CTNNBL1: variants seen among roughly 807,000 people sequenced by gnomAD.
CTNNBL1 encodes catenin beta like 1.
Under a neutral mutation model 72.7 loss-of-function variants are expected in CTNNBL1, and 31 were observed. The observed-to-expected ratio is 0.43, with a 90% CI of 0.32 to 0.58. The LOEUF is 0.58. Among genes scored for constraint, CTNNBL1 ranks in the 20% least tolerant of loss-of-function variants. The pLI, the probability that CTNNBL1 is intolerant of heterozygous loss-of-function variation, is 0.08. For missense variants in CTNNBL1, 534 were observed against 725.1 expected (o/e 0.74, Z 3.03); for synonymous variants, 240 against 267.3 (o/e 0.90, Z 1.00).
intron 10 of CTNNBL1, among the ~76,000 whole-genome samples, chr20:37,779,690 C>G (rs1208374137): frequency 1.3e-5 from 2 of 152,048 alleles, no homozygotes; most frequent in Non-Finnish European, 2.9e-5. Flanking sequence ...CTGTATATAT[C>G]ACATAGACCT....
At chr20:37,870,444 C>T (rs2072574351) in intron 15 of CTNNBL1, among the ~76,000 whole-genome samples, 1 of 152,094 alleles carries the variant, frequency 6.6e-6, no homozygotes. Context: ...GGATTCTGGG[C>T]TCACTGTCAG....
intron 11 of CTNNBL1, among the ~76,000 whole-genome samples, chr20:37,813,582 C>G (rs2072030237): frequency 6.6e-6 from 1 of 152,094 alleles, no homozygotes; most frequent in African/African-American, 2.4e-5. Context: ...TTTCATTTTG[C>G]CAGGTAGAAA....
chr20:37,792,444 G>T (rs2073733198), intron 10 of CTNNBL1, among the ~76,000 whole-genome samples: 1 of 152,122 alleles, frequency 6.6e-6, no homozygotes, highest in South Asian at 2.1e-4. Context: ...AAGTAGCTGG[G>T]ACTGTAGGAA....
At chr20:37,707,861 G>A (rs2072901618) in intron 1 of CTNNBL1, among the ~76,000 whole-genome samples, 1 of 152,068 alleles carries the variant, frequency 6.6e-6, no homozygotes, top group Non-Finnish European at 1.5e-5. Flanking sequence ...GAACACTTAG[G>A]GCCATTGTAG....
At chr20:37,697,021 A>C (rs1378312399) in intron 1 of CTNNBL1, among the ~76,000 whole-genome samples, 1 of 151,642 alleles carries the variant, frequency 6.6e-6, no homozygotes, top group Non-Finnish European at 1.5e-5. Context: ...GTCTCTACTA[A>C]AAATATAAAA....
In CTNNBL1 at chr20:37,701,563, A is replaced by G. The variant is rs552053625; in HGVS notation, c.30+7411A>G. The stretch of plus-strand genomic sequence containing the variant: ...ATGGAAAGGGGATATATCGATGGGG[A>G]TGGATTTGGTTTGGTCATTGAAGAA... On this transcript the variant is annotated intron_variant, in intron 1 of 15. Coordinates refer to ENST00000361383, the MANE Select transcript of CTNNBL1 (RefSeq NM_030877.5). 9.9e-5 allele frequency among the ~76,000 whole-genome samples: 15 copies of G among 152,242 alleles called. No homozygotes were observed. The East Asian group carries it at 2.9e-3, about 29-fold the overall frequency.
intron 1 of CTNNBL1, among the ~76,000 whole-genome samples, chr20:37,705,489 A>T (rs1488383705): frequency 6.6e-6 from 1 of 152,160 alleles, no homozygotes; most frequent in Non-Finnish European, 1.5e-5. Flanking sequence ...TAATTCTACA[A>T]AATTGCCTCA....
chr20:37,799,285 C>T (rs1038236981), intron 10 of CTNNBL1, among the ~76,000 whole-genome samples: 34 of 152,122 alleles, frequency 2.2e-4, no homozygotes, highest in African/African-American at 8.0e-4. Context: ...CATGCCTTCT[C>T]GACATCTACA....
At chr20:37,719,815 G>T (rs550367817) in intron 1 of CTNNBL1, among the ~76,000 whole-genome samples, 21 of 150,302 alleles carry the variant, frequency 1.4e-4, no homozygotes, top group African/African-American at 5.1e-4. Context: ...TATACAACTT[G>T]TTTTTCTTTT....
chr20:37,716,706 A>T (rs2072989335), intron 1 of CTNNBL1, among the ~76,000 whole-genome samples: 1 of 152,174 alleles, frequency 6.6e-6, no homozygotes, highest in Admixed American at 6.5e-5. Context: ...ATTCAAGCTG[A>T]GAGGGATAGG....
At chr20:37,806,551 T>G (rs1408367164) in intron 11 of CTNNBL1, among the ~76,000 whole-genome samples, 1 of 152,140 alleles carries the variant, frequency 6.6e-6, no homozygotes, top group African/African-American at 2.4e-5. Flanking sequence ...TTCAGCAGGT[T>G]TTGGGGGAAA....
intron 2 of CTNNBL1, 68 bp downstream of exon 2, chr20:37,733,135 C>A: frequency 1.5e-6 from 2 of 1,364,976 alleles, no homozygotes; most frequent in South Asian, 2.5e-5. Context: ...GGGCCAAATA[C>A]TAAGCTTGTC....
chr20:37,804,646 G>A (rs1171633104), intron 11 of CTNNBL1, among the ~76,000 whole-genome samples: 1 of 152,224 alleles, frequency 6.6e-6, no homozygotes, highest in Non-Finnish European at 1.5e-5. Flanking sequence ...CCTCAGGGTG[G>A]ATGCTGTGGC....
chr20:37,743,622 A>G (rs774057843), intron 3 of CTNNBL1, among the ~76,000 whole-genome samples: 2 of 152,218 alleles, frequency 1.3e-5, no homozygotes, highest in Non-Finnish European at 2.9e-5. Context: ...GTCCTGACTC[A>G]GGAATTTACA....
At position 37,826,927 on chromosome 20, in the gene CTNNBL1, A is replaced by T. The variant is rs77272397; in HGVS notation, c.1214-13175A>T. ...TTGAGTGCACCATTTGAGTGATGAT[A>T]AATACAAACCATGTTAAGATACAGA... is the stretch of plus-strand genomic sequence containing the variant. On this transcript the variant is annotated intron_variant, in intron 11 of 15. Coordinates refer to ENST00000361383, the MANE Select transcript of CTNNBL1 (RefSeq NM_030877.5). 1.3e-3 allele frequency among the ~76,000 whole-genome samples: 201 copies of T among 152,350 alleles called. 1 individual carries two copies. Among genetic ancestry groups the T allele is most frequent in the African/African-American group, 4.6e-3 (191 of 41,580 alleles).
At chr20:37,844,807 G>T (rs1192321750) in intron 13 of CTNNBL1, among the ~76,000 whole-genome samples, 2 of 152,124 alleles carry the variant, frequency 1.3e-5, no homozygotes, top group African/African-American at 4.8e-5. Flanking sequence ...AATTAGCTGG[G>T]CATGATGGCG....
intron 5 of CTNNBL1, among the ~76,000 whole-genome samples, chr20:37,763,732 G>A (rs1330905527): frequency 6.6e-6 from 1 of 152,124 alleles, no homozygotes; most frequent in African/African-American, 2.4e-5. Flanking sequence ...ATTAATGGGG[G>A]ATTATGGGAA....
At position 37,795,466 on chromosome 20, in the gene CTNNBL1, T is replaced by C. The variant is rs186359769; in HGVS notation, c.1032-7401T>C. The stretch of plus-strand genomic sequence containing the variant: ...TAATTATAAATTGTGTATTATAAAA[T>C]ATGATTCCATGTATATTAGGCTATT... On this transcript the variant is annotated intron_variant, in intron 10 of 15. Coordinates refer to ENST00000361383, the MANE Select transcript of CTNNBL1 (RefSeq NM_030877.5). Among the ~76,000 whole-genome samples, 4 of 152,362 alleles carry C rather than the reference T, an allele frequency of 2.6e-5. No individual in the cohort carries two copies. The East Asian group carries it at 7.7e-4, about 29-fold the overall frequency.
chr20:37,700,965 T>C (rs2072836427), intron 1 of CTNNBL1, among the ~76,000 whole-genome samples: 1 of 152,176 alleles, frequency 6.6e-6, no homozygotes, highest in African/African-American at 2.4e-5. Flanking sequence ...TTCCCCCTCC[T>C]AGTTTTTTCT....
Sources: allele counts gnomAD v4.1 joint callset (sites outside exome capture counted in the v4.1 genomes callset), GRCh38; gene constraint gnomAD v4.1.1; transcripts MANE v1.5; gene names NCBI Gene and HGNC (gene_info 2026-07-23, HGNC 2026-07-21).